Variants in TESK2 observed in about 807,000 individuals in gnomAD.
The protein encoded by TESK2 is dual specificity testis-specific protein kinase 2.
TESK2 carries 39 observed loss-of-function variants against 57.1 expected under a neutral mutation model. The observed-to-expected ratio is 0.68, with a 90% CI of 0.53 to 0.89. The LOEUF is 0.89. TESK2 is among the 40% of genes least tolerant of loss of function. TESK2 has a pLI of 0.00. For missense variants in TESK2, 646 were observed against 732.1 expected, an observed-to-expected ratio of 0.88 and a Z score of 1.36; for synonymous variants, 249 against 267.9, an observed-to-expected ratio of 0.93 and a Z score of 0.69.
intron 5 of TESK2, among the ~76,000 whole-genome samples, chr1:45,352,676 A>G (rs1335809918): frequency 6.6e-6 from 1 of 152,252 alleles, no homozygotes; most frequent in Non-Finnish European, 1.5e-5. Flanking sequence ...CCTCTAGGTC[A>G]GAAGTTCCTC....
At chr1:45,476,624 A>G (rs929428359) in intron 1 of TESK2, among the ~76,000 whole-genome samples, 2 of 151,180 alleles carry the variant, frequency 1.3e-5, no homozygotes, top group Non-Finnish European at 3.0e-5. Context: ...AAGGTGGGAG[A>G]ATCACAAGGT....
chr1:45,422,759 T>TTTGTTTTTGTTGTTGTTGTTGTTGTTG, intron 2 of TESK2, among the ~76,000 whole-genome samples: 1 of 147,010 alleles, frequency 6.8e-6, no homozygotes, highest in East Asian at 2.1e-4. Flanking sequence ...TGTCTGGTTT[T>TTTGTTTTTGTTGTTGTTGTTGTTGTTG]TTGTTGTTGT....
intron 4 of TESK2, among the ~76,000 whole-genome samples, chr1:45,374,693 ATCAC>A (rs1020792830): frequency 3.9e-5 from 6 of 152,316 alleles, no homozygotes; most frequent in African/African-American, 1.4e-4. Context: ...CAAGGAAGGT[ATCAC>A]TCAGAGTACT....
At chr1:45,434,925 T>C (rs1651132699) in intron 2 of TESK2, among the ~76,000 whole-genome samples, 1 of 151,842 alleles carries the variant, frequency 6.6e-6, no homozygotes, top group Non-Finnish European at 1.5e-5. Context: ...CCTAGACCAA[T>C]GTCTTGAAGT....
At chr1:45,487,733 T>G (rs1158762349) in intron 1 of TESK2, among the ~76,000 whole-genome samples, 1 of 152,228 alleles carries the variant, frequency 6.6e-6, no homozygotes. Flanking sequence ...TCAATAGCAG[T>G]GTAAAGTTGC....
At chr1:45,442,694 T>C (rs1651492252) in intron 2 of TESK2, among the ~76,000 whole-genome samples, 1 of 152,234 alleles carries the variant, frequency 6.6e-6, no homozygotes, top group South Asian at 2.1e-4. Context: ...TCCATTTGCT[T>C]TTATTTTCAC....
Position 45,457,882 on chromosome 1 carries a change from CA to C in TESK2, c.-86-12del. On this transcript the variant is annotated splice_polypyrimidine_tract_variant and intron_variant, in intron 1 of 10. Coordinates refer to ENST00000372086, the MANE Select transcript of TESK2 (RefSeq NM_007170.3). ...TCTTCTGGTTTGACACTAAAGAGAT[CA>C]AAAAAATTTCCACTGAAATCTTTAA... The C allele has an allele frequency of 5.0e-6, 5 of 1,007,286 alleles. No individual in the cohort carries two copies. Among genetic ancestry groups the C allele is most frequent in the Non-Finnish European group, 7.3e-6 (5 of 687,376 alleles). 62.4% of individuals were successfully genotyped at this position (1,007,286 alleles called of 1,614,324 possible).
chr1:45,390,231 G>A (rs971290005), intron 3 of TESK2, among the ~76,000 whole-genome samples: 13 of 152,206 alleles, frequency 8.5e-5, no homozygotes, highest in Middle Eastern at 3.4e-3. Context: ...AGGAGATCAA[G>A]ACCAGCCTGG....
intron 1 of TESK2, among the ~76,000 whole-genome samples, chr1:45,462,312 G>T: frequency 6.6e-6 from 1 of 150,840 alleles, no homozygotes; most frequent in Admixed American, 6.6e-5. Context: ...TCGCTCTGTC[G>T]CCCAGGATGG....
intron 4 of TESK2, among the ~76,000 whole-genome samples, chr1:45,373,028 C>CAAAAAAAAAAAAAA (rs200182758): frequency 1.6e-5 from 1 of 61,036 alleles, no homozygotes; most frequent in African/African-American, 5.3e-5. Flanking sequence ...ATCTCCGTCT[C>CAAAAAAAAAAAAAA]AAAAAAAAAA....
rs549888281 is a variant in TESK2 at position 45,469,442 on chromosome 1, A to G, written c.-86-11571T>C. 1.1e-4 allele frequency among the ~76,000 whole-genome samples: 17 copies of G among 152,346 alleles called. No individual in the cohort carries two copies. In the South Asian group the frequency reaches 3.5e-3, roughly 32 times the overall value. On this transcript the variant is annotated intron_variant, in intron 1 of 10. Transcript: ENST00000372086. Reference sequence around the variant, plus strand: ...TATCATCTCTAATTTAAAGAAAAAGAAATCAAAATCCTGAGAGATTATGAC... The same window carrying G: ...TATCATCTCTAATTTAAAGAAAAAGGAATCAAAATCCTGAGAGATTATGAC...
At chr1:45,447,951 G>A (rs61281143) in intron 2 of TESK2, among the ~76,000 whole-genome samples, 8,092 of 150,416 alleles carry the variant, frequency 0.054, 749 homozygotes, top group African/African-American at 0.19. Context: ...TCTGATGAAA[G>A]ACATCAAAGA....
At chr1:45,473,485 C>G (rs1435782244) in intron 1 of TESK2, among the ~76,000 whole-genome samples, 1 of 152,142 alleles carries the variant, frequency 6.6e-6, no homozygotes, top group Non-Finnish European at 1.5e-5. Flanking sequence ...TCAAATACCA[C>G]AAAGTAGTAT....
In TESK2 at chr1:45,457,544, A is replaced by T; in HGVS notation, c.222+20T>A. The T allele has an allele frequency of 6.2e-7, 1 of 1,606,108 alleles. No individual in the cohort carries two copies. Among genetic ancestry groups the T allele is most frequent in the Non-Finnish European group, 8.5e-7 (1 of 1,173,158 alleles). ...GTGACCACAGCAAGACAATATGAGA[A>T]AAGCTGAAGACTCACTCACCTTGAA... On this transcript the variant is annotated intron_variant, in intron 2 of 10. Transcript: ENST00000372086.
intron 1 of TESK2, among the ~76,000 whole-genome samples, chr1:45,465,966 T>C (rs1302710851): frequency 6.6e-6 from 1 of 152,162 alleles, no homozygotes; most frequent in Non-Finnish European, 1.5e-5. Context: ...AGAAAAGGTT[T>C]TCAAAGAAGT....
Position 45,365,677 on chromosome 1 carries a change from C to CTTTT in TESK2, c.394-10232_394-10229dup, listed in dbSNP as rs34671575. ...TACAGGCGTGCACCACCACGCCCGG[C>CTTTT]TTTTTTTTTTTTTTTTTTTGAGACA... On this transcript the variant is annotated intron_variant, in intron 4 of 10. Coordinates refer to ENST00000372086, the MANE Select transcript of TESK2 (RefSeq NM_007170.3). Among the ~76,000 whole-genome samples the CTTTT allele has an allele frequency of 3.1e-4, 33 of 106,786 alleles. 3 individuals carry two copies. The highest frequency in any genetic ancestry group is 1.3e-3 in the African/African-American group (33 of 25,178). 70.1% of individuals were successfully genotyped at this position (106,786 alleles called of 152,430 possible).
intron 5 of TESK2, among the ~76,000 whole-genome samples, chr1:45,351,334 C>T (rs1647228211): frequency 6.6e-6 from 1 of 152,224 alleles, no homozygotes; most frequent in African/African-American, 2.4e-5. Flanking sequence ...AGTTCTTGGC[C>T]TTGCCACTGC....
At chr1:45,403,539 G>C (rs1649717858) in intron 3 of TESK2, among the ~76,000 whole-genome samples, 1 of 152,014 alleles carries the variant, frequency 6.6e-6, no homozygotes. Context: ...TTTTGTCTTT[G>C]GTTTTTAACA....
At chr1:45,368,214 T>G (rs1403329827) in intron 4 of TESK2, among the ~76,000 whole-genome samples, 1 of 149,860 alleles carries the variant, frequency 6.7e-6, no homozygotes, top group Non-Finnish European at 1.5e-5. Context: ...AGGCTGGTCT[T>G]GAACTCCTGA....
Sources: gnomAD v4.1 joint callset for allele counts (sites outside exome capture counted in the v4.1 genomes callset) on GRCh38, gnomAD v4.1.1 for gene constraint, MANE v1.5 for transcripts, NCBI Gene and HGNC (gene_info 2026-07-23, HGNC 2026-07-21) for gene names.